Variants in CDC42SE2 observed in about 807,000 individuals in gnomAD.
CDC42SE2 encodes the protein CDC42 small effector protein 2.
Under a neutral mutation model 11.5 loss-of-function variants are expected in CDC42SE2, and 3 were observed. That is an observed-to-expected ratio of 0.26 (90% CI 0.12 to 0.67). The LOEUF (loss-of-function observed/expected upper bound fraction) is 0.67. CDC42SE2 is among the 30% of genes least tolerant of loss of function. CDC42SE2 has a pLI of 0.80. For missense variants in CDC42SE2, 82 were observed against 106.8 expected (o/e 0.77, Z 1.02); for synonymous variants, 33 against 34.8 (o/e 0.95, Z 0.18).
At chr5:131,293,781 T>C (rs1757512819) in intron 1 of CDC42SE2, among the ~76,000 whole-genome samples, 1 of 152,202 alleles carries the variant, frequency 6.6e-6, no homozygotes. Context: ...TGTAAAGTAT[T>C]ACCTTCTCCC....
At chr5:131,236,884 T>A in the CDC42SE2 span, among the ~76,000 whole-genome samples, 3 of 152,262 alleles carry the variant, frequency 2.0e-5, no homozygotes, top group African/African-American at 7.2e-5. Context: ...CTTATTTGTC[T>A]GTTTTTCTAC....
chr5:131,333,145 T>C (rs1461310623), intron 2 of CDC42SE2, among the ~76,000 whole-genome samples: 1 of 152,224 alleles, frequency 6.6e-6, no homozygotes, highest in African/African-American at 2.4e-5. Context: ...AATTTTTGTA[T>C]AAGGTGTAAG....
intron 2 of CDC42SE2, among the ~76,000 whole-genome samples, chr5:131,355,511 G>A (rs539856951): frequency 2.0e-5 from 3 of 152,168 alleles, no homozygotes; most frequent in African/African-American, 7.2e-5. Flanking sequence ...AGAGAAGAGA[G>A]AGAAGAGAGG....
At chr5:131,248,128 C>CT (rs919017042) in intron 1 of CDC42SE2, among the ~76,000 whole-genome samples, 11 of 150,516 alleles carry the variant, frequency 7.3e-5, no homozygotes, top group African/African-American at 2.0e-4. Context: ...AAAAGCATTC[C>CT]TTTTTTTTAT....
chr5:131,315,578 G>C (rs1758025005), intron 1 of CDC42SE2, among the ~76,000 whole-genome samples: 1 of 152,138 alleles, frequency 6.6e-6, no homozygotes, highest in African/African-American at 2.4e-5. Context: ...TTCCATATGG[G>C]AATGTGGGGC....
At chr5:131,270,397 AAAC>A (rs1318996093) in intron 1 of CDC42SE2, among the ~76,000 whole-genome samples, 1 of 152,228 alleles carries the variant, frequency 6.6e-6, no homozygotes, top group Non-Finnish European at 1.5e-5. Context: ...AAAAAAATAA[AAAC>A]AACAACATAA....
At chr5:131,342,099 G>T (rs892509006) in intron 2 of CDC42SE2, among the ~76,000 whole-genome samples, 1 of 151,890 alleles carries the variant, frequency 6.6e-6, no homozygotes, top group African/African-American at 2.4e-5. Context: ...GGCCAACATG[G>T]TGATACCCCA....
intron 2 of CDC42SE2, among the ~76,000 whole-genome samples, chr5:131,345,351 A>G (rs1415578753): frequency 6.6e-6 from 1 of 152,104 alleles, no homozygotes; most frequent in Non-Finnish European, 1.5e-5. Context: ...GAACTACGTG[A>G]CTCATGCACA....
At chr5:131,335,063 T>C (rs1758521163) in intron 2 of CDC42SE2, among the ~76,000 whole-genome samples, 1 of 152,152 alleles carries the variant, frequency 6.6e-6, no homozygotes, top group African/African-American at 2.4e-5. Context: ...GATGTTAGGG[T>C]GTCAATTTTA....
rs945623042 is a variant in CDC42SE2, at chr5:131,359,272, G to T, written c.-222G>T. 1.0e-5 allele frequency: 6 copies of T among 574,296 alleles called. No homozygotes were observed. The highest frequency in any genetic ancestry group is 1.9e-5 in the African/African-American group (1 of 53,016). The allele number at this position is 574,296 out of a possible 1,614,324, so 35.6% of individuals were successfully genotyped here. A position where few individuals can be genotyped will look rare whatever the true frequency, so the allele number is the denominator to read the frequency against. ...TATACCTTCGTCGTGGTTCAGAAAG[G>T]AGTCTCTGTAGAACCAGAAGCAAAG... is the stretch of plus-strand genomic sequence containing the variant. On this transcript the variant is annotated 5_prime_UTR_variant, in exon 3 of 5. Transcript: ENST00000505065.
At position 131,394,324 on chromosome 5, in the gene CDC42SE2, A is replaced by G. The variant is rs1750786857; in HGVS notation, c.*3233A>G. On this transcript the variant is annotated 3_prime_UTR_variant, in exon 5 of 5. Coordinates refer to ENST00000505065, the MANE Select transcript of CDC42SE2 (RefSeq NM_001375635.1). ...GTACTTTCCCATGATGTAGGCATGA[A>G]GTGGTGCCAGTAAGCGTAGAGCGGA... 6.6e-6 allele frequency: 1 copy of G among 152,362 alleles called. No homozygotes were observed. The highest frequency in any genetic ancestry group is 2.4e-5 in the African/African-American group (1 of 41,458). The allele number at this position is 152,362 out of a possible 1,614,324, so 9.4% of individuals were successfully genotyped here. A position where few individuals can be genotyped will look rare whatever the true frequency, so the allele number is the denominator to read the frequency against.
chr5:131,296,572 CCTT>C (rs1384523681), intron 1 of CDC42SE2, among the ~76,000 whole-genome samples: 3 of 152,246 alleles, frequency 2.0e-5, no homozygotes, highest in South Asian at 2.1e-4. Context: ...ATGGCCTTCT[CCTT>C]CTGTGTCTCT....
chr5:131,365,229 G>T (rs889054285), intron 3 of CDC42SE2, among the ~76,000 whole-genome samples: 1 of 152,066 alleles, frequency 6.6e-6, no homozygotes, highest in Non-Finnish European at 1.5e-5. Flanking sequence ...GGCGAGGGTT[G>T]CAGTGAGCCG....
intron 1 of CDC42SE2, among the ~76,000 whole-genome samples, chr5:131,301,559 A>G (rs1233604059): frequency 6.6e-6 from 1 of 152,040 alleles, no homozygotes; most frequent in East Asian, 1.9e-4. Flanking sequence ...GGAGTTCGAG[A>G]CCAGCCTGAT....
intron 2 of CDC42SE2, among the ~76,000 whole-genome samples, chr5:131,326,469 G>A (rs1460136854): frequency 6.6e-6 from 1 of 152,064 alleles, no homozygotes; most frequent in Non-Finnish European, 1.5e-5. Flanking sequence ...GCTATTATAT[G>A]ACCTATCTGT....
chr5:131,269,451 G>A (rs946768832), intron 1 of CDC42SE2, among the ~76,000 whole-genome samples: 1 of 152,062 alleles, frequency 6.6e-6, no homozygotes, highest in African/African-American at 2.4e-5. Context: ...CTGTATGATC[G>A]AATTTTTTTA....
At chr5:131,389,228 ATAACT>A (rs1750579094) in intron 4 of CDC42SE2, among the ~76,000 whole-genome samples, 2 of 152,214 alleles carry the variant, frequency 1.3e-5, no homozygotes, top group South Asian at 4.1e-4. Flanking sequence ...TTTGTGCCAC[ATAACT>A]TAATGTTAGT....
chr5:131,346,875 A>C (rs1758858760), intron 2 of CDC42SE2, among the ~76,000 whole-genome samples: 1 of 150,474 alleles, frequency 6.6e-6, no homozygotes, highest in African/African-American at 2.5e-5. Context: ...AACTACATGG[A>C]AACTGAACAA....
intron 1 of CDC42SE2, among the ~76,000 whole-genome samples, chr5:131,248,777 T>A (rs943221774): frequency 7.9e-5 from 12 of 152,016 alleles, no homozygotes; most frequent in South Asian, 6.2e-4. Flanking sequence ...TTACGGAAAA[T>A]TATTATAAAA....
Sources: allele counts gnomAD v4.1 joint callset (sites outside exome capture counted in the v4.1 genomes callset), GRCh38; gene constraint gnomAD v4.1.1; transcripts MANE v1.5; gene names NCBI Gene and HGNC (gene_info 2026-07-23, HGNC 2026-07-21).